Variants in EXT1 observed in about 807,000 individuals in gnomAD.
The protein encoded by EXT1 is exostosin glycosyltransferase 1.
A neutral mutation model predicts 82.5 loss-of-function variants in EXT1; 20 were observed. The observed-to-expected ratio is 0.24, with a 90% CI of 0.17 to 0.35. The LOEUF (loss-of-function observed/expected upper bound fraction) is 0.35, where lower values mean the gene tolerates loss of function less well. Among genes scored for constraint, EXT1 ranks in the 10% least tolerant of loss-of-function variants. EXT1 has a pLI of 1.00. For synonymous variants in EXT1, 348 were observed against 350.8 expected (o/e 0.99, Z 0.09); for missense variants, 757 against 936.5 (o/e 0.81, Z 2.50).
rs537687230 is a variant in EXT1 at position 117,908,953 on chromosome 8, G to A, written c.963-71752C>T. 6.6e-5 allele frequency among the ~76,000 whole-genome samples: 10 copies of A among 151,960 alleles called. No individual in the cohort carries two copies. The South Asian group carries it at 1.9e-3, about 29-fold the overall frequency. On this transcript the variant is annotated intron_variant, in intron 1 of 10. Coordinates refer to ENST00000378204, the MANE Select transcript of EXT1 (RefSeq NM_000127.3). ...AGCCTGGGCAACATGGTGAAACCTC[G>A]AAACCTCATCTCTACTAAAAATACA... is the stretch of plus-strand genomic sequence containing the variant.
intron 1 of EXT1, among the ~76,000 whole-genome samples, chr8:117,918,964 C>CAAA (rs35129089): frequency 6.7e-5 from 10 of 149,250 alleles, no homozygotes; most frequent in Non-Finnish European, 1.2e-4. Flanking sequence ...ATTCCTGAGG[C>CAAA]AAAAAAAAAA....
At chr8:117,977,207 T>C (rs894288481) in intron 1 of EXT1, among the ~76,000 whole-genome samples, 2 of 151,888 alleles carry the variant, frequency 1.3e-5, no homozygotes, top group African/African-American at 4.8e-5. Flanking sequence ...GCTAACATGG[T>C]GAAACCCTGT....
chr8:118,019,536 G>A (rs914977848), intron 1 of EXT1, among the ~76,000 whole-genome samples: 16 of 152,158 alleles, frequency 1.1e-4, no homozygotes, highest in Non-Finnish European at 7.3e-5. Context: ...AGATTCTATC[G>A]CAGAAAAGAG....
intron 1 of EXT1, among the ~76,000 whole-genome samples, chr8:118,059,596 G>A (rs1205260639): frequency 6.6e-6 from 1 of 152,228 alleles, no homozygotes; most frequent in African/African-American, 2.4e-5. Context: ...GGCAGCAGCA[G>A]CTTTTGGAAT....
At chr8:118,104,567 C>A (rs1817776372) in intron 1 of EXT1, among the ~76,000 whole-genome samples, 1 of 152,160 alleles carries the variant, frequency 6.6e-6, no homozygotes, top group South Asian at 2.1e-4. Flanking sequence ...CAGAAAATAC[C>A]TTGTTTCAAA....
chr8:117,997,445 T>G (rs1008752801), intron 1 of EXT1, among the ~76,000 whole-genome samples: 4 of 151,934 alleles, frequency 2.6e-5, no homozygotes, highest in African/African-American at 9.7e-5. Context: ...GAATTTATAT[T>G]TATTTACAAT....
intron 1 of EXT1, among the ~76,000 whole-genome samples, chr8:117,877,354 G>A (rs1031174731): frequency 1.3e-5 from 2 of 152,120 alleles, no homozygotes; most frequent in Non-Finnish European, 2.9e-5. Flanking sequence ...AACCCAATAG[G>A]AAACCTTCAC....
At position 118,091,490 on chromosome 8, in the gene EXT1, G is replaced by A. The variant is rs538891320; in HGVS notation, c.962+18595C>T. ...GCGGTGGCTCACGCCTGTAATCCCA[G>A]CACTTTGGGAGGCCGAGGCGGGCGG... is the stretch of plus-strand genomic sequence containing the variant. On this transcript the variant is annotated intron_variant, in intron 1 of 10. Transcript: ENST00000378204. Among the ~76,000 whole-genome samples, 204 of 152,206 alleles carry A rather than the reference G, an allele frequency of 1.3e-3. 1 individual carries two copies. Among genetic ancestry groups the A allele is most frequent in the African/African-American group, 4.9e-3 (202 of 41,534 alleles).
chr8:117,947,576 T>C (rs1044309206), intron 1 of EXT1, among the ~76,000 whole-genome samples: 20 of 152,192 alleles, frequency 1.3e-4, no homozygotes, highest in African/African-American at 4.8e-4. Flanking sequence ...ACAATGCGGA[T>C]AACTTGGGGT....
At chr8:118,057,583 G>A (rs1281142021) in intron 1 of EXT1, among the ~76,000 whole-genome samples, 1 of 151,824 alleles carries the variant, frequency 6.6e-6, no homozygotes, top group African/African-American at 2.4e-5. Context: ...AGAAAGAAAA[G>A]GCAGTCTTCC....
chr8:117,947,344 T>A (rs1182023737), intron 1 of EXT1, among the ~76,000 whole-genome samples: 1 of 152,194 alleles, frequency 6.6e-6, no homozygotes, highest in Non-Finnish European at 1.5e-5. Flanking sequence ...TCTTTTGAGG[T>A]AATGTTTACA....
Position 117,863,341 on chromosome 8 carries a change from T to C in EXT1, c.963-26140A>G, listed in dbSNP as rs1812717377. Among the ~76,000 whole-genome samples the C allele has an allele frequency of 2.7e-5, 3 of 111,680 alleles. 1 individual carries two copies. Among genetic ancestry groups the C allele is most frequent in the Non-Finnish European group, 6.7e-5 (3 of 44,464 alleles). The allele number at this position is 111,680 out of a possible 152,430, so 73.3% of individuals were successfully genotyped here. A position where few individuals can be genotyped will look rare whatever the true frequency, so the allele number is the denominator to read the frequency against. On this transcript the variant is annotated intron_variant, in intron 1 of 10. Coordinates refer to ENST00000378204, the MANE Select transcript of EXT1 (RefSeq NM_000127.3). ...TTCCAAAGTGCATGCTCTTCACTTC[T>C]ATATTCTCAGAAGCACTGTTTTATT...
chr8:118,075,774 C>T (rs1221383760), intron 1 of EXT1, among the ~76,000 whole-genome samples: 2 of 152,006 alleles, frequency 1.3e-5, no homozygotes, highest in African/African-American at 2.4e-5. Context: ...AGGCATCTCA[C>T]ATGGCAAGAG....
At chr8:117,995,395 A>T (rs966271611) in intron 1 of EXT1, among the ~76,000 whole-genome samples, 1 of 152,172 alleles carries the variant, frequency 6.6e-6, no homozygotes, top group African/African-American at 2.4e-5. Flanking sequence ...CTTGTCTGTA[A>T]TTCATCAATG....
At chr8:117,979,382 A>C (rs532903448) in intron 1 of EXT1, among the ~76,000 whole-genome samples, 3,183 of 151,342 alleles carry the variant, frequency 0.021, 74 homozygotes, top group African/African-American at 0.051. Flanking sequence ...AAACAAACAA[A>C]AAAACAAAAC....
chr8:118,017,669 C>A (rs149085516), intron 1 of EXT1, among the ~76,000 whole-genome samples: 1 of 152,170 alleles, frequency 6.6e-6, no homozygotes, highest in African/African-American at 2.4e-5. Context: ...GTTATAACCC[C>A]AAAATGGCTT....
intron 10 of EXT1, among the ~76,000 whole-genome samples, chr8:117,804,262 T>G (rs1315966022): frequency 6.6e-6 from 1 of 152,220 alleles, no homozygotes; most frequent in Non-Finnish European, 1.5e-5. Context: ...CTCTTGCCCT[T>G]CTTTCTGCCA....
At chr8:117,825,031 T>C (rs1404156413) in intron 4 of EXT1, among the ~76,000 whole-genome samples, 1 of 152,034 alleles carries the variant, frequency 6.6e-6, no homozygotes, top group Non-Finnish European at 1.5e-5. Context: ...CACACCCAGC[T>C]AATTTTTTAT....
intron 1 of EXT1, among the ~76,000 whole-genome samples, chr8:117,945,360 C>T (rs1192274739): frequency 6.6e-6 from 1 of 152,132 alleles, no homozygotes; most frequent in Admixed American, 6.5e-5. Flanking sequence ...CATTTTAGCA[C>T]TTAGAGACCC....
Sources: gnomAD v4.1 joint callset for allele counts (sites outside exome capture counted in the v4.1 genomes callset) on GRCh38, gnomAD v4.1.1 for gene constraint, MANE v1.5 for transcripts, NCBI Gene and HGNC (gene_info 2026-07-23, HGNC 2026-07-21) for gene names.